The following SHISA9 variants were observed in gnomAD, a reference collection of about 807,000 sequenced individuals.
The protein encoded by SHISA9 is protein shisa-9.
Under a neutral mutation model 38.0 loss-of-function variants are expected in SHISA9, and 13 were observed. The observed-to-expected ratio is 0.34, with a 90% CI of 0.22 to 0.54. The LOEUF (loss-of-function observed/expected upper bound fraction) is 0.54. Among genes scored for constraint, SHISA9 ranks in the 20% least tolerant of loss-of-function variants. The probability of loss-of-function intolerance (pLI) is 0.91; values close to 1 mark genes in which losing one functional copy is unlikely to be tolerated. For synonymous variants in SHISA9, 275 were observed against 242.0 expected (o/e 1.14, Z -1.27); for missense variants, 538 against 575.8 (o/e 0.93, Z 0.67).
At chr16:13,469,320 G>GAGAGAGAGAGAA in the SHISA9 span, among the ~76,000 whole-genome samples, 28 of 61,610 alleles carry the variant, frequency 4.5e-4, 1 homozygote, top group African/African-American at 2.1e-3. Context: ...GAGAGAGAGA[G>GAGAGAGAGAGAA]AGAAAGAAAG....
chr16:13,030,843 T>A (rs947873446), intron 2 of SHISA9, among the ~76,000 whole-genome samples: 1 of 152,132 alleles, frequency 6.6e-6, no homozygotes, highest in Non-Finnish European at 1.5e-5. Flanking sequence ...ATGGGGAAAA[T>A]GAATCCCAAG....
At chr16:13,401,002 C>T in the SHISA9 span, among the ~76,000 whole-genome samples, 2 of 152,180 alleles carry the variant, frequency 1.3e-5, no homozygotes, top group Non-Finnish European at 2.9e-5. Context: ...CCAGCTTAAG[C>T]ATGCATCCTG....
the SHISA9 span, among the ~76,000 whole-genome samples, chr16:13,562,509 A>C: frequency 6.6e-6 from 1 of 151,706 alleles, no homozygotes; most frequent in Non-Finnish European, 1.5e-5. Flanking sequence ...AGGCACCTGT[A>C]GTCCCAGCTG....
At chr16:13,399,933 T>C in the SHISA9 span, among the ~76,000 whole-genome samples, 4,050 of 152,330 alleles carry the variant, frequency 0.027, 207 homozygotes, top group African/African-American at 0.092. Flanking sequence ...TTGGCTGTTA[T>C]GATGTTTACA....
the SHISA9 span, among the ~76,000 whole-genome samples, chr16:13,349,992 C>G: frequency 6.6e-6 from 1 of 152,122 alleles, no homozygotes; most frequent in Non-Finnish European, 1.5e-5. Flanking sequence ...AAGGGATACC[C>G]AAATAGCTGC....
chr16:13,416,867 G>A, the SHISA9 span, among the ~76,000 whole-genome samples: 1 of 150,498 alleles, frequency 6.6e-6, no homozygotes, highest in African/African-American at 2.4e-5. Flanking sequence ...AAGGGAGGGA[G>A]GGAAATGAAG....
chr16:12,975,659 G>C (rs1465763982), intron 2 of SHISA9, among the ~76,000 whole-genome samples: 2 of 148,522 alleles, frequency 1.3e-5, no homozygotes, highest in Admixed American at 6.7e-5. Flanking sequence ...ACGGGGGCGG[G>C]GGGGGTAAGG....
the SHISA9 span, among the ~76,000 whole-genome samples, chr16:13,262,642 A>AAGGAAGGAAGGAAGGAAGGAAGGGAGGG: frequency 9.6e-5 from 7 of 72,658 alleles, no homozygotes; most frequent in East Asian, 3.1e-4. Context: ...GGAAGGAAGG[A>AAGGAAGGAAGGAAGGAAGGAAGGGAGGG]AGGAAGGAAG....
chr16:13,025,772 G>A (rs1596594391), intron 2 of SHISA9, among the ~76,000 whole-genome samples: 2 of 151,610 alleles, frequency 1.3e-5, no homozygotes, highest in African/African-American at 4.9e-5. Context: ...CTTTTTTATT[G>A]TAAGAACACT....
the SHISA9 span, among the ~76,000 whole-genome samples, chr16:13,348,460 C>T: frequency 2.0e-5 from 3 of 152,030 alleles, no homozygotes; most frequent in East Asian, 5.9e-4. Context: ...GTACTATTAT[C>T]GCCCTTAATG....
At chr16:13,111,775 G>T (rs1293502109) in intron 2 of SHISA9, among the ~76,000 whole-genome samples, 2 of 152,222 alleles carry the variant, frequency 1.3e-5, no homozygotes, top group Non-Finnish European at 1.5e-5. Context: ...TCTCCCCAAA[G>T]ATTTGGATTC....
chr16:13,277,726 C>T, the SHISA9 span, among the ~76,000 whole-genome samples: 21 of 151,500 alleles, frequency 1.4e-4, no homozygotes, highest in Non-Finnish European at 2.4e-4. Context: ...TCCACTTGGT[C>T]GCTGTTGGTT....
the SHISA9 span, among the ~76,000 whole-genome samples, chr16:13,257,214 G>A: frequency 6.6e-6 from 1 of 152,162 alleles, no homozygotes; most frequent in African/African-American, 2.4e-5. Context: ...TTTCTTTCTA[G>A]CACTGTTGCT....
chr16:13,104,084 T>C (rs1280114306), intron 2 of SHISA9, among the ~76,000 whole-genome samples: 4 of 152,170 alleles, frequency 2.6e-5, no homozygotes, highest in Non-Finnish European at 5.9e-5. Flanking sequence ...TTTCTTTCTT[T>C]TGTGACATCA....
the SHISA9 span, among the ~76,000 whole-genome samples, chr16:13,419,877 T>C: frequency 6.6e-6 from 1 of 152,224 alleles, no homozygotes; most frequent in Non-Finnish European, 1.5e-5. Flanking sequence ...CCACTCTAGA[T>C]GTTCAATTTA....
intron 1 of SHISA9, among the ~76,000 whole-genome samples, chr16:12,907,604 C>A (rs1001910168): frequency 2.0e-5 from 3 of 152,140 alleles, no homozygotes; most frequent in African/African-American, 7.2e-5. Context: ...ATTTCTCACT[C>A]GCACAAAAAC....
Position 12,933,864 on chromosome 16 carries a change from G to T in SHISA9, c.691+17049G>T, listed in dbSNP as rs557635365. Among the ~76,000 whole-genome samples, 7 of 152,250 alleles carry T rather than the reference G, an allele frequency of 4.6e-5. No homozygotes were observed. The South Asian group carries it at 1.0e-3, about 23-fold the overall frequency. On this transcript the variant is annotated intron_variant, in intron 2 of 4. Coordinates refer to ENST00000558583, the MANE Select transcript of SHISA9 (RefSeq NM_001145204.3). ...GGGAGCCTATGTTATAGTGGGGGAA[G>T]ACTGTTCACACAGCCAGTAAATAAA...
chr16:13,015,886 C>CTT (rs1242993683), intron 2 of SHISA9, among the ~76,000 whole-genome samples: 1 of 113,338 alleles, frequency 8.8e-6, no homozygotes, highest in African/African-American at 3.0e-5. Context: ...TTCTTTCTTT[C>CTT]TTTCTTTCTT....
At chr16:13,012,259 A>G (rs903067519) in intron 2 of SHISA9, among the ~76,000 whole-genome samples, 1 of 152,166 alleles carries the variant, frequency 6.6e-6, no homozygotes, top group Non-Finnish European at 1.5e-5. Flanking sequence ...TATTATAGAG[A>G]GTGACCCTGG....
Sources: allele counts gnomAD v4.1 joint callset (sites outside exome capture counted in the v4.1 genomes callset), GRCh38; gene constraint gnomAD v4.1.1; transcripts MANE v1.5; gene names NCBI Gene and HGNC (gene_info 2026-07-23, HGNC 2026-07-21).